The following YIPF1 variants were observed in gnomAD, a reference collection of about 807,000 sequenced individuals.
YIPF1 encodes protein YIPF1.
In YIPF1, 22 loss-of-function variants were observed where a neutral mutation model predicts 37.0. The observed-to-expected ratio is 0.59, with a 90% CI of 0.42 to 0.85. The LOEUF (loss-of-function observed/expected upper bound fraction) is 0.85, where lower values mean the gene tolerates loss of function less well. YIPF1 is among the 40% of genes least tolerant of loss of function. YIPF1 has a pLI of 0.00. For synonymous variants in YIPF1, 128 were observed against 131.9 expected (o/e 0.97, Z 0.21); for missense variants, 355 against 373.1 (o/e 0.95, Z 0.40).
At chr1:53,874,192 G>A (rs1001087841) in intron 6 of YIPF1, among the ~76,000 whole-genome samples, 2 of 152,000 alleles carry the variant, frequency 1.3e-5, no homozygotes, top group African/African-American at 4.8e-5. Context: ...CCAGGATCTG[G>A]GCTCTGTAAC....
intron 6 of YIPF1, among the ~76,000 whole-genome samples, chr1:53,876,372 C>T (rs1650334985): frequency 1.3e-5 from 2 of 152,268 alleles, no homozygotes; most frequent in East Asian, 1.9e-4. Context: ...GAAATGTAGT[C>T]AAAGTTATCA....
intron 3 of YIPF1, 79 bp downstream of exon 3, chr1:53,888,828 C>T: frequency 7.6e-7 from 1 of 1,317,732 alleles, no homozygotes; most frequent in Non-Finnish European, 1.1e-6. Context: ...ATGTGTGAGG[C>T]AGTATAGGAA....
chr1:53,871,235 T>C, intron 7 of YIPF1, 137 bp downstream of exon 7: 1 of 666,604 alleles, frequency 1.5e-6, no homozygotes, highest in South Asian at 1.9e-5. Context: ...ATCTACACAT[T>C]TGAGTAGATA....
chr1:53,875,023 C>G (rs772518095), intron 6 of YIPF1, among the ~76,000 whole-genome samples: 5 of 151,988 alleles, frequency 3.3e-5, no homozygotes, highest in Admixed American at 1.3e-4. Flanking sequence ...ATATGTTGTT[C>G]CATATATATG....
chr1:53,872,619 A>T (rs895615190), intron 6 of YIPF1, among the ~76,000 whole-genome samples: 2 of 152,220 alleles, frequency 1.3e-5, no homozygotes, highest in Non-Finnish European at 2.9e-5. Context: ...TCATTTTTCA[A>T]TTTCACTAAT....
chr1:53,864,292 A>G (rs547483126), intron 9 of YIPF1, among the ~76,000 whole-genome samples: 4 of 152,356 alleles, frequency 2.6e-5, no homozygotes, highest in Non-Finnish European at 5.9e-5. Context: ...GAAAAGTCCC[A>G]GAAGAGTCAC....
In YIPF1 at chr1:53,879,177, C is replaced by T. The variant is rs143107306; in HGVS notation, c.196-455G>A. Among the ~76,000 whole-genome samples, 1,184 of 152,112 alleles carry T rather than the reference C, an allele frequency of 7.8e-3. 9 individuals carry two copies. Among genetic ancestry groups the T allele is most frequent in the African/African-American group, 0.028 (1,142 of 41,484 alleles). ...TAGTGCAATCATAGCTCACTGCAGC[C>T]TTGAACTCCTGGGCTCAAACAATCT... On this transcript the variant is annotated intron_variant, in intron 4 of 10. Coordinates refer to ENST00000072644, the MANE Select transcript of YIPF1 (RefSeq NM_018982.5).
chr1:53,870,211 A>C (rs554010746), intron 7 of YIPF1, among the ~76,000 whole-genome samples: 2 of 117,844 alleles, frequency 1.7e-5, no homozygotes, highest in Non-Finnish European at 1.6e-5. Flanking sequence ...TCGCTCTGTC[A>C]CCCAGGCTGG....
At chr1:53,867,034 T>C in intron 7 of YIPF1, 110 bp from the exon 8 acceptor site, 2 of 1,299,756 alleles carry the variant, frequency 1.5e-6, no homozygotes, top group South Asian at 3.0e-5. Context: ...TTGACTTCAG[T>C]GGACCACGGA....
At chr1:53,867,373 T>TC (rs1208660264) in intron 7 of YIPF1, among the ~76,000 whole-genome samples, 1 of 141,766 alleles carries the variant, frequency 7.1e-6, no homozygotes, top group Non-Finnish European at 1.5e-5. Flanking sequence ...CTTCCTTTTT[T>TC]TTTTTTTTTT....
intron 9 of YIPF1, among the ~76,000 whole-genome samples, chr1:53,864,204 G>A (rs975715936): frequency 3.3e-5 from 5 of 152,212 alleles, no homozygotes; most frequent in Non-Finnish European, 7.3e-5. Flanking sequence ...CTTCAGAAGA[G>A]AGACGGGAGA....
At chr1:53,861,580 G>T (rs1303351045) in intron 9 of YIPF1, among the ~76,000 whole-genome samples, 1 of 151,476 alleles carries the variant, frequency 6.6e-6, no homozygotes, top group African/African-American at 2.4e-5. Context: ...GAGAGAGAGA[G>T]ATTGGGTGTG....
intron 10 of YIPF1, 61 bp downstream of exon 10, chr1:53,859,995 A>G: frequency 6.4e-7 from 1 of 1,551,422 alleles, no homozygotes; most frequent in East Asian, 2.3e-5. Flanking sequence ...CACTAACAGA[A>G]TTGATACACC....
At position 53,871,599 on chromosome 1, in the gene YIPF1, T is replaced by C. The variant is rs72900670; in HGVS notation, c.365-111A>G. The C allele has an allele frequency of 1.9e-3, 1,794 of 934,796 alleles. 24 individuals are homozygous for C. The African/African-American group carries it at 0.028, about 14-fold the overall frequency. 57.9% of individuals were successfully genotyped at this position (934,796 alleles called of 1,614,324 possible). On this transcript the variant is annotated intron_variant, in intron 6 of 10. Coordinates refer to ENST00000072644, the MANE Select transcript of YIPF1 (RefSeq NM_018982.5). ...ATTCATGTTAGCAAAAGAAAATGAA[T>C]TTTCTAGATGGGATCAACACTTGCT... is the stretch of plus-strand genomic sequence containing the variant.
intron 9 of YIPF1, among the ~76,000 whole-genome samples, chr1:53,865,322 C>G (rs1649987920): frequency 6.6e-6 from 1 of 152,180 alleles, no homozygotes; most frequent in African/African-American, 2.4e-5. Flanking sequence ...CCTCCACATC[C>G]ACAGGCTCAG....
rs1211523570 is a variant in YIPF1, at chr1:53,866,904, T to C, written c.502A>G (p.Ile168Val). 12 of 1,612,876 alleles carry C rather than the reference T, an allele frequency of 7.4e-6. No individual in the cohort carries two copies. Among genetic ancestry groups the C allele is most frequent in the South Asian group, 3.3e-5 (3 of 90,908 alleles). Residue 168 changes from isoleucine to valine, a missense_variant, in exon 8 of 11, where the codon ATC (isoleucine) becomes GTC (valine). Physicochemically the swap from Ile to Val is conservative, Grantham distance 29. Transcript: ENST00000072644. ...FRKVSIAATIIYAYAWLVPLA... is the reference protein window; with the variant it reads ...FRKVSIAATIVYAYAWLVPLA... ...GGAACCAGCCAGGCATAGGCATAGATGATGGTAGCTGCTATGGACACTGAG... is the reference window on the plus strand; with the variant it reads ...GGAACCAGCCAGGCATAGGCATAGACGATGGTAGCTGCTATGGACACTGAG...
chr1:53,870,160 CTTTTT>C lies in YIPF1; in HGVS notation c.481+1207_481+1211del, dbSNP rs753978320. Among the ~76,000 whole-genome samples, 48 of 91,214 alleles carry C rather than the reference CTTTTT, an allele frequency of 5.3e-4. 6 individuals carry two copies. Among genetic ancestry groups the C allele is most frequent in the African/African-American group, 1.0e-3 (23 of 22,616 alleles). 59.8% of individuals were successfully genotyped at this position (91,214 alleles called of 152,430 possible). The stretch of plus-strand genomic sequence containing the variant: ...AGGCTTGAGCCACCGCACCGGGTCT[CTTTTT>C]TTTTTTTTTTTTTTTTTTTTTTTTG... On this transcript the variant is annotated intron_variant, in intron 7 of 10. Transcript: ENST00000072644.
Position 53,873,295 on chromosome 1 carries a change from G to A in YIPF1, c.365-1807C>T, listed in dbSNP as rs562918912. Among the ~76,000 whole-genome samples the A allele has an allele frequency of 7.2e-5, 11 of 152,306 alleles. 1 individual carries two copies. Among genetic ancestry groups the A allele is most frequent in the African/African-American group, 2.4e-4 (10 of 41,572 alleles). ...AGGTGGAAAACCTAGAGAAAGGGAT[G>A]TGTAAGCTGGGATCTAAAGAAGAAC... is the stretch of plus-strand genomic sequence containing the variant. On this transcript the variant is annotated intron_variant, in intron 6 of 10. Transcript: ENST00000072644.
intron 6 of YIPF1, among the ~76,000 whole-genome samples, chr1:53,872,453 T>C (rs866486930): frequency 1.4e-4 from 21 of 152,350 alleles, no homozygotes; most frequent in Admixed American, 3.9e-4. Flanking sequence ...TTTTAAGATA[T>C]ACCACTGAGC....
Sources: gnomAD v4.1 joint callset for allele counts (sites outside exome capture counted in the v4.1 genomes callset) on GRCh38, gnomAD v4.1.1 for gene constraint, MANE v1.5 for transcripts, NCBI Gene and HGNC (gene_info 2026-07-23, HGNC 2026-07-21) for gene names.